CPZ: variants seen among roughly 807,000 people sequenced by gnomAD.
CPZ encodes the protein carboxypeptidase Z.
In CPZ, 103 loss-of-function variants were observed where a neutral mutation model predicts 61.8. The ratio of observed to expected loss-of-function variants is 1.67; its 90% confidence interval spans 1.42 to 1.96. The LOEUF (loss-of-function observed/expected upper bound fraction) is 1.96. Ranked by LOEUF, CPZ falls within the 30% of genes most tolerant of loss-of-function variation. The pLI is 0.00. For synonymous variants in CPZ, 551 were observed against 373.7 expected, an observed-to-expected ratio of 1.47 and a Z score of -5.47; for missense variants, 1,461 against 914.9, an observed-to-expected ratio of 1.60 and a Z score of -7.70.
intron 9 of CPZ, among the ~76,000 whole-genome samples, chr4:8,616,600 A>C (rs1168473050): frequency 2.0e-5 from 3 of 151,814 alleles, no homozygotes; most frequent in Non-Finnish European, 2.9e-5. Flanking sequence ...TTTTGAAGGG[A>C]GGGAAGGAAT....
chr4:8,606,277 G>C (rs533598363), intron 5 of CPZ, 92 bp downstream of exon 5: 32 of 1,271,536 alleles, frequency 2.5e-5, no homozygotes, highest in East Asian at 2.3e-4. Context: ...GCAGTGCTTC[G>C]TTCCTGCCTC....
chr4:8,607,253 T>C lies in CPZ; in HGVS notation c.1069-14T>C, dbSNP rs1198223753. ...AAGCCCAGCCCTGAGGGCGGCCTCG[T>C]CTGTCCTGGGCAGGTGGCCCCGGAG... On this transcript the variant is annotated splice_polypyrimidine_tract_variant and intron_variant, in intron 6 of 10. Transcript: ENST00000360986. 6.2e-7 allele frequency: 1 copy of C among 1,612,864 alleles called. No homozygotes were observed. Among genetic ancestry groups the C allele is most frequent in the Non-Finnish European group, 8.5e-7 (1 of 1,179,232 alleles).
Position 8,607,386 on chromosome 4 carries a change from C to T in CPZ, c.1188C>T (p.Pro396=), listed in dbSNP as rs142179559. The T allele has an allele frequency of 7.4e-6, 12 of 1,613,950 alleles. No homozygotes were observed. Among genetic ancestry groups the T allele is most frequent in the African/African-American group, 1.3e-5 (1 of 74,920 alleles). ...VSYPFDFSKH[P]QEEKMFSPTP... is the part of the protein sequence containing the mutation. ...ACCCCTTCGACTTCTCCAAGCACCC[C>T]CAGGAGGAGAAGATGTTTTCTCCCA... Residue 396 remains proline, a synonymous_variant, in exon 7 of 11, where the codon CCC becomes CCT. Transcript: ENST00000360986.
chr4:8,600,569 A>C (rs538884357), intron 2 of CPZ, among the ~76,000 whole-genome samples: 1 of 152,340 alleles, frequency 6.6e-6, no homozygotes, highest in Non-Finnish European at 1.5e-5. Context: ...GAAGGTGCCC[A>C]GCAACAATGA....
chr4:8,614,650 G>A (rs1716012436), intron 9 of CPZ, 152 bp downstream of exon 9: 2 of 808,746 alleles, frequency 2.5e-6, no homozygotes, highest in Non-Finnish European at 3.8e-6. Context: ...TGTCCACCAT[G>A]CACAACTTGA....
rs149389718 is a variant in CPZ, at chr4:8,593,514, G to C, written c.88+593G>C. On this transcript the variant is annotated intron_variant, in intron 1 of 10. Transcript: ENST00000360986. ...CTCACCCAAGGGGTGTGCAGCGGGG[G>C]TGGGGAGCAGGAAGGTAGAGGCTGG... 3.2e-4 allele frequency among the ~76,000 whole-genome samples: 48 copies of C among 152,338 alleles called. 1 individual carries two copies. In the East Asian group the frequency reaches 9.3e-3, roughly 30 times the overall value.
rs1439325252 is a variant in CPZ, at chr4:8,604,040, C to G, written c.561C>G (p.His187Gln). The change falls in exon 4 of 11, where the codon CAC (histidine) becomes CAG (glutamine). Residue 187 changes from histidine to glutamine, a missense_variant. His to Gln is a conservative substitution (Grantham distance 24). Transcript: ENST00000360986. ...CGCCCACCTTCATCCGCTTCAGCCA[C>G]CACTCCTACGCCCAGATGGTGCGTG... ...GLPPTFIRFS[H>Q]HSYAQMVRVL... The G allele has an allele frequency of 6.2e-7, 1 of 1,612,212 alleles. No homozygotes were observed. Among genetic ancestry groups the G allele is most frequent in the East Asian group, 2.2e-5 (1 of 44,882 alleles).
intron 1 of CPZ, among the ~76,000 whole-genome samples, chr4:8,593,142 C>T (rs1048676862): frequency 1.6e-4 from 24 of 152,160 alleles, no homozygotes; most frequent in Non-Finnish European, 2.4e-4. Flanking sequence ...GCATCCAGGC[C>T]GGGACCCCAG....
chr4:8,605,020 G>A (rs897977913), intron 4 of CPZ, among the ~76,000 whole-genome samples: 1 of 152,238 alleles, frequency 6.6e-6, no homozygotes, highest in African/African-American at 2.4e-5. Context: ...GCAGGAGGCA[G>A]AGGCTCTCCC....
At chr4:8,614,224 CCCCGACGT>C (rs1259111198) in intron 8 of CPZ, 127 bp from the exon 9 acceptor site, 34 of 1,246,198 alleles carry the variant, frequency 2.7e-5, no homozygotes, top group Non-Finnish European at 3.2e-5. Context: ...TTGGCTGACA[CCCCGACGT>C]CCCGGCTGTC....
At chr4:8,595,796 G>A (rs572911939) in intron 1 of CPZ, among the ~76,000 whole-genome samples, 2 of 152,326 alleles carry the variant, frequency 1.3e-5, no homozygotes, top group African/African-American at 4.8e-5. Flanking sequence ...GAGGCCTCAC[G>A]GGATTAGGGC....
chr4:8,611,979 C>G (rs370053538), intron 7 of CPZ, 48 bp from the exon 8 acceptor site: 67 of 1,612,374 alleles, frequency 4.2e-5, no homozygotes, highest in Non-Finnish European at 5.3e-5. Context: ...GCTCACAGGA[C>G]GTCCTGCAGG....
Position 8,607,276 on chromosome 4 carries a change from G to C in CPZ, c.1078G>C (p.Glu360Gln). The C allele has an allele frequency of 6.2e-7, 1 of 1,614,018 alleles. No homozygotes were observed. Among genetic ancestry groups the C allele is most frequent in the South Asian group, 1.1e-5 (1 of 91,078 alleles). The change falls in exon 7 of 11, where the codon GAG becomes CAG. Residue 360 changes from glutamate (E) to glutamine (Q), a missense_variant. Coordinates refer to ENST00000360986, the MANE Select transcript of CPZ (RefSeq NM_001014447.3). ...CGTCTGTCCTGGGCAGGTGGCCCCGGAGACAAAGGCAATCATGAAGTGGAT... is the reference window on the plus strand; with the variant it reads ...CGTCTGTCCTGGGCAGGTGGCCCCGCAGACAAAGGCAATCATGAAGTGGAT... ...QHYWWGKVAP[E>Q]TKAIMKWMQT...
chr4:8,618,264 C>A, intron 9 of CPZ, 165 bp from the exon 10 acceptor site: 1 of 626,630 alleles, frequency 1.6e-6, no homozygotes, highest in South Asian at 1.9e-5. Flanking sequence ...AGGGGAGTGA[C>A]TGACTCGTTA....
chr4:8,600,294 G>A (rs1577109604), intron 2 of CPZ, among the ~76,000 whole-genome samples: 2 of 152,298 alleles, frequency 1.3e-5, no homozygotes, highest in East Asian at 3.9e-4. Flanking sequence ...GTGGTGAGCA[G>A]GGCAATGTGA....
chr4:8,608,706 T>A (rs1715264811), intron 7 of CPZ, among the ~76,000 whole-genome samples: 2 of 151,340 alleles, frequency 1.3e-5, no homozygotes, highest in South Asian at 2.1e-4. Flanking sequence ...CAGCCTGGTC[T>A]GGGACTTCAG....
chr4:8,601,265 C>T lies in CPZ; in HGVS notation c.264C>T (p.Leu88=). The T allele has an allele frequency of 1.2e-6, 2 of 1,613,602 alleles. No homozygotes were observed. The highest frequency in any genetic ancestry group is 8.5e-7 in the Non-Finnish European group (1 of 1,179,912). ...EYILLSVLHQ[L]LEGQCNPDLR... is the part of the protein sequence containing the mutation. Reference sequence around the variant, plus strand: ...TCCTGCTGAGCGTTCTACACCAGCTCCTGGAAGGCCAGTGCAACCCGGACC... The same window carrying T: ...TCCTGCTGAGCGTTCTACACCAGCTTCTGGAAGGCCAGTGCAACCCGGACC... Residue 88 remains leucine, a synonymous_variant, in exon 3 of 11, where the codon CTC becomes CTT. Coordinates refer to ENST00000360986, the MANE Select transcript of CPZ (RefSeq NM_001014447.3).
At chr4:8,614,260 C>G (rs1365088215) in intron 8 of CPZ, 99 bp from the exon 9 acceptor site, 1 of 1,484,968 alleles carries the variant, frequency 6.7e-7, no homozygotes, top group Non-Finnish European at 9.0e-7. Flanking sequence ...GGCTGACACC[C>G]CGGCGTCCCG....
In CPZ at chr4:8,619,588, C is replaced by A. The variant is rs1484525390; in HGVS notation, c.1930C>A (p.His644Asn). The A allele has an allele frequency of 1.3e-6, 2 of 1,517,380 alleles. No individual in the cohort carries two copies. The highest frequency in any genetic ancestry group is 1.8e-6 in the Non-Finnish European group (2 of 1,132,768). 94.0% of individuals were successfully genotyped at this position (1,517,380 alleles called of 1,614,324 possible). A position where few individuals can be genotyped will look rare whatever the true frequency, so the allele number is the denominator to read the frequency against. The part of the protein sequence containing the change: ...WWSYFTSLST[H>N]RPRWLLKY ...GTCCTACTTCACATCGCTGAGCACC[C>A]ACAGGCCACGCTGGCTGCTCAAGTA... Residue 644 changes from histidine to asparagine, a missense_variant, in exon 11 of 11, where the codon CAC (histidine) becomes AAC (asparagine). By Grantham distance (68) the His-to-Asn change is moderately conservative (BLOSUM62 1). Coordinates refer to ENST00000360986, the MANE Select transcript of CPZ (RefSeq NM_001014447.3).
Sources: gnomAD v4.1 joint callset for allele counts (sites outside exome capture counted in the v4.1 genomes callset) on GRCh38, gnomAD v4.1.1 for gene constraint, MANE v1.5 for transcripts, NCBI Gene and HGNC (gene_info 2026-07-23, HGNC 2026-07-21) for gene names.